The following CFAP46 variants were observed in gnomAD, a reference collection of about 807,000 sequenced individuals.
CFAP46 encodes cilia- and flagella-associated protein 46.
A neutral mutation model predicts 325.7 loss-of-function variants in CFAP46; 245 were observed. The ratio of observed to expected loss-of-function variants is 0.75; its 90% CI spans 0.68 to 0.84. The LOEUF (loss-of-function observed/expected upper bound fraction) is 0.84. Ranked by LOEUF, CFAP46 falls within the 40% of genes least tolerant of loss-of-function variation. The probability of loss-of-function intolerance (pLI) is 0.00; values close to 1 mark genes in which losing one functional copy is unlikely to be tolerated. For missense variants in CFAP46, 3,346 were observed against 3,543.0 expected (o/e 0.94, Z 1.41); for synonymous variants, 1,523 against 1,495.9 (o/e 1.02, Z -0.42).
At position 132,886,330 on chromosome 10, in the gene CFAP46, G is replaced by A. The variant is rs547124368; in HGVS notation, c.3305-371C>T. On this transcript the variant is annotated intron_variant, in intron 25 of 57. Coordinates refer to ENST00000368586, the MANE Select transcript of CFAP46 (RefSeq NM_001200049.3). This position sits in a 1 kb window ranked among gnomAD's most constrained non-coding sequence, Gnocchi z 5.8. ...CAGGAGTTGCATGGAAAGCTCCCCCGCGGCCGAGGACACAGCGCCACGTGC... is the reference window on the plus strand; with the variant it reads ...CAGGAGTTGCATGGAAAGCTCCCCCACGGCCGAGGACACAGCGCCACGTGC... Among the ~76,000 whole-genome samples, 295 of 152,300 alleles carry A rather than the reference G, an allele frequency of 1.9e-3. 1 individual carries two copies. The highest frequency in any genetic ancestry group is 6.6e-3 in the African/African-American group (276 of 41,574).
Position 132,877,802 on chromosome 10 carries a change from G to A in CFAP46, c.4212+79C>T, listed in dbSNP as rs148860857. On this transcript the variant is annotated intron_variant, in intron 30 of 57. Coordinates refer to ENST00000368586, the MANE Select transcript of CFAP46 (RefSeq NM_001200049.3). The surrounding 1 kb of genome is among the most constrained non-coding windows in gnomAD (Gnocchi z 5.7). The stretch of plus-strand genomic sequence containing the variant: ...CACTGAGGCCGCCTGGGGCTCCTCC[G>A]AGAACCCTGACAGGCAGGGAAACTG... 2.6e-3 allele frequency: 3,929 copies of A among 1,487,354 alleles called. 67 individuals are homozygous for A. The African/African-American group carries it at 0.039, about 15-fold the overall frequency. 92.1% of individuals were successfully genotyped at this position (1,487,354 alleles called of 1,614,324 possible). A position where few individuals can be genotyped will look rare whatever the true frequency, so the allele number is the denominator to read the frequency against.
intron 35 of CFAP46, among the ~76,000 whole-genome samples, chr10:132,862,592 C>T (rs939669437): frequency 4.0e-5 from 6 of 151,872 alleles, no homozygotes; most frequent in African/African-American, 7.3e-5. Context: ...CCTCTGAGGT[C>T]GGCGGGGGTC....
In CFAP46 at chr10:132,817,548, C is replaced by T. The variant is rs143808536; in HGVS notation, c.7118-2634G>A. Among the ~76,000 whole-genome samples the T allele has an allele frequency of 2.0e-5, 3 of 152,184 alleles. No homozygotes were observed. Among genetic ancestry groups the T allele is most frequent in the African/African-American group, 7.2e-5 (3 of 41,438 alleles). ...AGCTGTTGGATTTGATTGAGGTAACCGGCCCCTTCGTCTTCCTCATTCATT... is the reference window on the plus strand; with the variant it reads ...AGCTGTTGGATTTGATTGAGGTAACTGGCCCCTTCGTCTTCCTCATTCATT... On this transcript the variant is annotated intron_variant, in intron 50 of 57. Transcript: ENST00000368586. The surrounding 1 kb of genome is among the most constrained non-coding windows in gnomAD (Gnocchi z 4.4).
At chr10:132,913,846 C>T (rs899953479) in intron 17 of CFAP46, among the ~76,000 whole-genome samples, 68 of 152,142 alleles carry the variant, frequency 4.5e-4, no homozygotes, top group African/African-American at 2.2e-4. Flanking sequence ...CCCAGCCCCC[C>T]GCCGGCCTGC....
intron 49 of CFAP46, 42 bp downstream of exon 49, chr10:132,833,999 G>A (rs757533441): frequency 6.3e-7 from 1 of 1,586,010 alleles, no homozygotes; most frequent in Admixed American, 1.7e-5. Context: ...CTTCTGGCGG[G>A]ATGAGCTCCC....
intron 43 of CFAP46, 84 bp downstream of exon 43, chr10:132,846,848 C>G: frequency 6.8e-7 from 1 of 1,471,032 alleles, no homozygotes; most frequent in Non-Finnish European, 9.0e-7. Context: ...TGGAGTCCCC[C>G]CAAGGCGAGG....
intron 38 of CFAP46, 28 bp downstream of exon 38, chr10:132,859,043 C>T (rs1246296687): frequency 1.3e-6 from 2 of 1,540,780 alleles, no homozygotes; most frequent in Non-Finnish European, 1.8e-6. Context: ...CAGTGACTCC[C>T]GTGCAGGGGT....
At chr10:132,899,931 C>T (rs1849371426) in intron 22 of CFAP46, among the ~76,000 whole-genome samples, 1 of 152,188 alleles carries the variant, frequency 6.6e-6, no homozygotes, top group Non-Finnish European at 1.5e-5. Flanking sequence ...GTGCCGGAGA[C>T]AGCCGCCCTG....
At chr10:132,833,801 T>A (rs3750584) in intron 49 of CFAP46, among the ~76,000 whole-genome samples, 52,597 of 152,072 alleles carry the variant, frequency 0.35, 10,270 homozygotes, top group Admixed American at 0.5. Context: ...CTGGGTTCCG[T>A]GGTGCTCTCA....
intron 35 of CFAP46, among the ~76,000 whole-genome samples, chr10:132,862,224 G>A (rs536399501): frequency 4.7e-4 from 72 of 152,302 alleles, no homozygotes; most frequent in East Asian, 1.9e-4. Flanking sequence ...GGAGGGAAGA[G>A]GGGGAGGCCC....
intron 3 of CFAP46, 125 bp from the exon 4 acceptor site, chr10:132,941,185 AGGTGAC>A: frequency 1.1e-6 from 1 of 928,094 alleles, no homozygotes; most frequent in South Asian, 1.4e-5. Context: ...GTGTATCCAC[AGGTGAC>A]GGTGTGGCAG....
chr10:132,817,193 G>A lies in CFAP46; in HGVS notation c.7118-2279C>T, dbSNP rs1847711367. Among the ~76,000 whole-genome samples the A allele has an allele frequency of 6.6e-6, 1 of 152,176 alleles. No individual in the cohort carries two copies. The highest frequency in any genetic ancestry group is 2.1e-4 in the South Asian group (1 of 4,824). ...TTTAGAGGCTATTTCATACCTCTGA[G>A]GAGGCGAACTTTCGATTCTCATGAT... On this transcript the variant is annotated intron_variant, in intron 50 of 57. Coordinates refer to ENST00000368586, the MANE Select transcript of CFAP46 (RefSeq NM_001200049.3). The surrounding 1 kb of genome is among the most constrained non-coding windows in gnomAD (Gnocchi z 4.4).
At chr10:132,926,414 C>T (rs1403758420) in intron 10 of CFAP46, among the ~76,000 whole-genome samples, 154 bp downstream of exon 10, 4 of 152,108 alleles carry the variant, frequency 2.6e-5, no homozygotes, top group Admixed American at 2.6e-4. Flanking sequence ...GGAGGCTGGA[C>T]TCACACCCGC....
chr10:132,913,028 AGCAC>A lies in CFAP46; in HGVS notation c.2333+14_2333+17del. On this transcript the variant is annotated intron_variant, in intron 18 of 57. Coordinates refer to ENST00000368586, the MANE Select transcript of CFAP46 (RefSeq NM_001200049.3). ...AAGAAGCCCCTCCCTGCGTGAACGC[AGCAC>A]AGCCCACACGCACCCACTGTGGCCT... 2 of 1,547,764 alleles carry A rather than the reference AGCAC, an allele frequency of 1.3e-6. No individual in the cohort carries two copies. The highest frequency in any genetic ancestry group is 1.7e-6 in the Non-Finnish European group (2 of 1,145,770).
chr10:132,922,269 C>T (rs1327655551), intron 12 of CFAP46, 45 bp from the exon 13 acceptor site: 1 of 1,528,318 alleles, frequency 6.5e-7, no homozygotes, highest in Non-Finnish European at 8.8e-7. Flanking sequence ...CTGGACTTTC[C>T]ACAGCACCTT....
chr10:132,924,658 G>A (rs539024351), intron 11 of CFAP46, 38 bp downstream of exon 11: 15 of 1,425,000 alleles, frequency 1.1e-5, no homozygotes, highest in Middle Eastern at 4.8e-4. Flanking sequence ...TATGCGCCAC[G>A]CCCTCTGTGG....
intron 50 of CFAP46, among the ~76,000 whole-genome samples, chr10:132,824,440 GTGC>G (rs1847986741): frequency 8.3e-6 from 1 of 121,196 alleles, no homozygotes; most frequent in African/African-American, 3.1e-5. Context: ...TGTGTGCTGT[GTGC>G]TGATGTGTGC....
Position 132,823,104 on chromosome 10 carries a change from T to A in CFAP46, c.7118-8190A>T, listed in dbSNP as rs530015856. Among the ~76,000 whole-genome samples the A allele has an allele frequency of 4.2e-5, 6 of 143,974 alleles. No individual in the cohort carries two copies. In the South Asian group the frequency reaches 1.4e-3, roughly 33 times the overall value. The allele number at this position is 143,974 out of a possible 152,430, so 94.5% of individuals were successfully genotyped here. ...GTGCTGATGTGTGCTTTGTATGTGCTGATGTGTGCTGTGTGTGTGCTGATG... is the reference window on the plus strand; with the variant it reads ...GTGCTGATGTGTGCTTTGTATGTGCAGATGTGTGCTGTGTGTGTGCTGATG... On this transcript the variant is annotated intron_variant, in intron 50 of 57. Transcript: ENST00000368586.
rs912174761 is a variant in CFAP46 at position 132,911,375 on chromosome 10, C to T, written c.2499+1280G>A. ...GCCGCAGGCTCAAGACTCTCCAGCC[C>T]GCGGTTTTATCCATGGCCCAGAAAG... On this transcript the variant is annotated intron_variant, in intron 19 of 57. Transcript: ENST00000368586. 2.0e-5 allele frequency among the ~76,000 whole-genome samples: 3 copies of T among 152,334 alleles called. No homozygotes were observed. In the East Asian group the frequency reaches 5.8e-4, roughly 29 times the overall value.
Sources: allele counts gnomAD v4.1 joint callset (sites outside exome capture counted in the v4.1 genomes callset), GRCh38; gene constraint gnomAD v4.1.1; non-coding constraint Gnocchi (gnomAD v3.1); transcripts MANE v1.5; gene names NCBI Gene and HGNC (gene_info 2026-07-23, HGNC 2026-07-21).